The following EFCAB3 variants were observed in gnomAD, a reference collection of about 807,000 sequenced individuals.
The protein encoded by EFCAB3 is EF-hand calcium binding domain 3.
In EFCAB3, 36 loss-of-function variants were observed where a neutral mutation model predicts 42.2. The observed-to-expected ratio is 0.85, with a 90% confidence interval of 0.65 to 1.13. EFCAB3 has a LOEUF of 1.13. EFCAB3 is among the 50% of genes most tolerant of loss of function. The probability of loss-of-function intolerance (pLI) is 0.00; values close to 1 mark genes in which losing one functional copy is unlikely to be tolerated. For synonymous variants in EFCAB3, 170 were observed against 172.8 expected (o/e 0.98, Z 0.13); for missense variants, 418 against 505.1 (o/e 0.83, Z 1.65).
intron 3 of EFCAB3, 44 bp downstream of exon 3, chr17:62,387,460 A>T: frequency 1.3e-6 from 2 of 1,483,004 alleles, no homozygotes; most frequent in Non-Finnish European, 1.9e-6. Flanking sequence ...CAGCTCCTTA[A>T]TATGTCTGAT....
chr17:62,389,932 A>G (rs772604025), intron 3 of EFCAB3, among the ~76,000 whole-genome samples: 12 of 151,944 alleles, frequency 7.9e-5, no homozygotes, highest in Non-Finnish European at 1.3e-4. Context: ...GACTACAGGC[A>G]CCCGCCACCA....
intron 1 of EFCAB3, chr17:62,381,724 G>T: frequency 3.7e-6 from 1 of 267,268 alleles, no homozygotes; most frequent in Non-Finnish European, 7.5e-6. Context: ...ACCTCCCTCA[G>T]AGCCAAAGAC....
intron 8 of EFCAB3, among the ~76,000 whole-genome samples, chr17:62,412,609 C>T (rs2070509004): frequency 6.6e-6 from 1 of 151,838 alleles, no homozygotes; most frequent in Non-Finnish European, 1.5e-5. Flanking sequence ...GGACTACAGA[C>T]ACGTGCCACC....
At position 62,416,021 on chromosome 17, in the gene EFCAB3, A is replaced by G; in HGVS notation, c.1009A>G (p.Thr337Ala). ...ACTGCAGGTGAAGAGAGCTACTGAT[A>G]CCTATAATTTAGGAATTGCCCTTGA... ...IKQHVKRATD[T>A]YNLGIALEHR... Residue 337 changes from threonine to alanine, a missense_variant, in exon 10 of 10, where the codon ACC becomes GCC. Coordinates refer to ENST00000305286, the MANE Select transcript of EFCAB3 (RefSeq NM_173503.4). The G allele has an allele frequency of 1.2e-6, 2 of 1,612,886 alleles. No homozygotes were observed. The highest frequency in any genetic ancestry group is 1.7e-6 in the Non-Finnish European group (2 of 1,179,412).
chr17:62,370,529 A>C (rs577964133), intron 1 of EFCAB3, among the ~76,000 whole-genome samples: 73 of 152,110 alleles, frequency 4.8e-4, no homozygotes, highest in Non-Finnish European at 7.7e-4. Context: ...GGTGGTGGGC[A>C]CCTGTAATCC....
chr17:62,380,776 C>A, intron 1 of EFCAB3, 163 bp downstream of exon 1: 1 of 213,492 alleles, frequency 4.7e-6, no homozygotes, highest in Non-Finnish European at 8.0e-6. Flanking sequence ...TTCTGGTGTT[C>A]CCAGCTCTGT....
At chr17:62,387,303 A>C (rs745359939) in intron 2 of EFCAB3, 37 bp from the exon 3 acceptor site, 1 of 1,517,136 alleles carries the variant, frequency 6.6e-7, no homozygotes, top group Non-Finnish European at 9.1e-7. Context: ...GGTTTCACAT[A>C]GGTAGTAAAT....
Position 62,405,854 on chromosome 17 carries a change from G to C in EFCAB3, c.489-626G>C, listed in dbSNP as rs193039458. Among the ~76,000 whole-genome samples the C allele has an allele frequency of 9.2e-5, 14 of 152,234 alleles. No individual in the cohort carries two copies. The East Asian group carries it at 2.1e-3, about 23-fold the overall frequency. On this transcript the variant is annotated intron_variant, in intron 6 of 9. Transcript: ENST00000305286. The stretch of plus-strand genomic sequence containing the variant: ...ATAGGAAAGAAATGCAATCAATAGT[G>C]ATTTACTCCAGATCGTAAGCTTACT...
chr17:62,377,685 G>A (rs912438786), upstream of EFCAB3, among the ~76,000 whole-genome samples: 9 of 152,260 alleles, frequency 5.9e-5, no homozygotes, highest in Admixed American at 3.3e-4. Flanking sequence ...TGAATCAACA[G>A]ATTTTCAAAG....
In EFCAB3 at chr17:62,387,434, C is replaced by T. The variant is rs1481663025; in HGVS notation, c.151+18C>T. 1 of 1,601,074 alleles carries T rather than the reference C, an allele frequency of 6.2e-7. No individual in the cohort carries two copies. Among genetic ancestry groups the T allele is most frequent in the Non-Finnish European group, 8.5e-7 (1 of 1,171,568 alleles). On this transcript the variant is annotated intron_variant, in intron 3 of 9. Transcript: ENST00000305286. ...AATGGCAGGTAATGAGAATCATCCT[C>T]AAAATTGAAGCATAACAGCTCCTTA...
At chr17:62,381,760 G>T in intron 1 of EFCAB3, 1 of 391,506 alleles carries the variant, frequency 2.6e-6, no homozygotes, top group Admixed American at 2.8e-5. Flanking sequence ...GACAGCGTAG[G>T]CATCGAGGCG....
chr17:62,411,847 AG>A (rs1296685059), intron 8 of EFCAB3, among the ~76,000 whole-genome samples: 13 of 118,944 alleles, frequency 1.1e-4, no homozygotes, highest in Non-Finnish European at 2.3e-4. Flanking sequence ...GAAGAAAGGA[AG>A]GAAGGAAAGA....
chr17:62,397,486 C>T, intron 6 of EFCAB3: 1 of 563,070 alleles, frequency 1.8e-6, no homozygotes, highest in South Asian at 1.4e-5. Flanking sequence ...ACAAGAAAGC[C>T]CATTTGGGCA....
At chr17:62,395,658 A>C (rs957595) in intron 6 of EFCAB3, among the ~76,000 whole-genome samples, 8,674 of 152,224 alleles carry the variant, frequency 0.057, 920 homozygotes, top group East Asian at 0.45. Flanking sequence ...GCAGAGCCAG[A>C]ATTAGACTTG....
At chr17:62,404,222 A>G (rs1170232975) in intron 6 of EFCAB3, among the ~76,000 whole-genome samples, 1 of 152,130 alleles carries the variant, frequency 6.6e-6, no homozygotes, top group African/African-American at 2.4e-5. Flanking sequence ...GATTTAGATT[A>G]TGTCACATTA....
At chr17:62,375,438 A>G (rs7220269) in intron 2 of EFCAB3, among the ~76,000 whole-genome samples, 92,083 of 152,026 alleles carry the variant, frequency 0.61, 29,721 homozygotes, top group Admixed American at 0.75. Context: ...TATAAGTTCT[A>G]TGTTCACCAA....
chr17:62,401,864 A>G (rs957982696), intron 6 of EFCAB3, among the ~76,000 whole-genome samples: 19 of 152,308 alleles, frequency 1.2e-4, no homozygotes, highest in African/African-American at 3.8e-4. Context: ...CATTGAATCT[A>G]TAAATTACTT....
At chr17:62,400,553 T>C (rs1427445782) in intron 6 of EFCAB3, among the ~76,000 whole-genome samples, 5 of 152,230 alleles carry the variant, frequency 3.3e-5, no homozygotes, top group Non-Finnish European at 7.3e-5. Flanking sequence ...ACAAAGGACA[T>C]GAACTCATCC....
intron 6 of EFCAB3, among the ~76,000 whole-genome samples, chr17:62,398,475 C>T (rs2070372305): frequency 7.2e-6 from 1 of 139,030 alleles, no homozygotes; most frequent in African/African-American, 2.7e-5. Flanking sequence ...AAAAAAAAAA[C>T]TGTAGTGATA....
Sources: allele counts gnomAD v4.1 joint callset (sites outside exome capture counted in the v4.1 genomes callset), GRCh38; gene constraint gnomAD v4.1.1; transcripts MANE v1.5; gene names NCBI Gene and HGNC (gene_info 2026-07-23, HGNC 2026-07-21).